The following NUDT2 variants were observed in gnomAD, a reference collection of about 807,000 sequenced individuals.
The protein encoded by NUDT2 is nudix hydrolase 2, also known as bis(5'-nucleosyl)-tetraphosphatase [asymmetrical].
A neutral mutation model predicts 14.2 loss-of-function variants in NUDT2; 12 were observed. The ratio of observed to expected loss-of-function variants is 0.84; its 90% CI spans 0.54 to 1.37. NUDT2 has a LOEUF of 1.37. NUDT2 is among the 40% of genes most tolerant of loss of function. The pLI, the probability that NUDT2 is intolerant of heterozygous loss-of-function variation, is 0.00. For synonymous variants in NUDT2, 67 were observed against 67.4 expected, an observed-to-expected ratio of 0.99 and a Z score of 0.03; for missense variants, 167 against 176.7, an observed-to-expected ratio of 0.95 and a Z score of 0.31.
chr9:34,335,564 G>C (rs1838070825), intron 1 of NUDT2, among the ~76,000 whole-genome samples: 1 of 152,226 alleles, frequency 6.6e-6, no homozygotes, highest in Non-Finnish European at 1.5e-5. Context: ...TGACGAGTAG[G>C]AGGTTGTGTG....
In NUDT2 at chr9:34,343,219, G is replaced by C; in HGVS notation, c.223G>C (p.Gly75Arg). 1 of 1,613,968 alleles carries C rather than the reference G, an allele frequency of 6.2e-7. No homozygotes were observed. The highest frequency in any genetic ancestry group is 8.5e-7 in the Non-Finnish European group (1 of 1,180,012). Reference sequence around the variant, plus strand: ...AGCAGGCCAGCTGACCATTATTGAGGGGTTCAAAAGGGAACTCAATTATGT... The same window carrying C: ...AGCAGGCCAGCTGACCATTATTGAGCGGTTCAAAAGGGAACTCAATTATGT... Reference protein sequence around the residue: ...IEAGQLTIIEGFKRELNYVAR... With the variant: ...IEAGQLTIIERFKRELNYVAR... Residue 75 changes from glycine to arginine, a missense_variant, in exon 5 of 5, where the codon GGG (glycine) becomes CGG (arginine). Physicochemically the swap from Gly to Arg is moderately radical, Grantham distance 125. Coordinates refer to ENST00000379158, the MANE Select transcript of NUDT2 (RefSeq NM_001161.5).
chr9:34,338,730 A>C lies in NUDT2; in HGVS notation c.-134A>C, dbSNP rs1802826. 5.1e-6 allele frequency: 1 copy of C among 197,396 alleles called. No individual in the cohort carries two copies. Among genetic ancestry groups the C allele is most frequent in the Admixed American group, 5.8e-5 (1 of 17,288 alleles). The allele number at this position is 197,396 out of a possible 1,614,324, so 12.2% of individuals were successfully genotyped here. A position where few individuals can be genotyped will look rare whatever the true frequency, so the allele number is the denominator to read the frequency against. On this transcript the variant is annotated 5_prime_UTR_variant, in exon 3 of 5. Coordinates refer to ENST00000379158, the MANE Select transcript of NUDT2 (RefSeq NM_001161.5). ...TGTTTCAGTGCGTTTGCTTCTGAGG[A>C]TCTCCAGTGTCACAACAAACACATG...
chr9:34,341,801 C>CA lies in NUDT2; in HGVS notation c.128-1323_128-1322insA, dbSNP rs760048348. On this transcript the variant is annotated intron_variant, in intron 4 of 4. Coordinates refer to ENST00000379158, the MANE Select transcript of NUDT2 (RefSeq NM_001161.5). ...TTGGGATTACAGGCATGAGCCACCG[C>CA]CCCTGGACCCTGGGGAGTTTTTTGT... Among the ~76,000 whole-genome samples the CA allele has an allele frequency of 6.6e-5, 10 of 152,318 alleles. No individual in the cohort carries two copies. The East Asian group carries it at 1.7e-3, about 26-fold the overall frequency.
In NUDT2 at chr9:34,339,014, C is replaced by G. The variant is rs1446440484; in HGVS notation, c.-16-10C>G. On this transcript the variant is annotated splice_polypyrimidine_tract_variant and intron_variant, in intron 3 of 4. Transcript: ENST00000379158. The stretch of plus-strand genomic sequence containing the variant: ...GTAACTTCCCAATATTCTGTATCTT[C>G]TTTGTTAAGTCCTTAGGATAAGACC... The G allele has an allele frequency of 1.3e-6, 2 of 1,597,980 alleles. No homozygotes were observed. The highest frequency in any genetic ancestry group is 8.6e-7 in the Non-Finnish European group (1 of 1,167,380).
chr9:34,339,429 G>A (rs181758603), intron 4 of NUDT2, among the ~76,000 whole-genome samples: 2 of 152,320 alleles, frequency 1.3e-5, no homozygotes, highest in East Asian at 3.9e-4. Context: ...CCTCTGTGGT[G>A]AATGGCTGGG....
chr9:34,343,398 G>T lies in NUDT2; in HGVS notation c.402G>T (p.Ala134=). The change falls in exon 5 of 5, where the codon GCG becomes GCT. Residue 134 remains alanine (A), a synonymous_variant. Coordinates refer to ENST00000379158, the MANE Select transcript of NUDT2 (RefSeq NM_001161.5). The stretch of plus-strand genomic sequence containing the variant: ...CTCAGTTCAAGGAGATGAAGGCAGC[G>T]CTCCAAGAAGGACACCAGTTTCTTT... The part of the protein sequence containing the change: ...QLAQFKEMKA[A]LQEGHQFLCS... The T allele has an allele frequency of 1.2e-6, 2 of 1,610,186 alleles. No homozygotes were observed. The highest frequency in any genetic ancestry group is 2.7e-5 in the African/African-American group (2 of 74,916).
chr9:34,337,763 A>G (rs1838125786), intron 2 of NUDT2, among the ~76,000 whole-genome samples: 1 of 152,180 alleles, frequency 6.6e-6, no homozygotes, highest in Non-Finnish European at 1.5e-5. Context: ...TCAGCTGTGC[A>G]ACCCCCGGGC....
At chr9:34,336,002 C>T (rs1838079444) in intron 1 of NUDT2, among the ~76,000 whole-genome samples, 1 of 151,928 alleles carries the variant, frequency 6.6e-6, no homozygotes, top group East Asian at 1.9e-4. Flanking sequence ...ACTGTGCCCT[C>T]TAGTCTTGGA....
intron 1 of NUDT2, among the ~76,000 whole-genome samples, chr9:34,332,375 A>C (rs1837965941): frequency 6.6e-6 from 1 of 152,164 alleles, no homozygotes; most frequent in African/African-American, 2.4e-5. Context: ...CTTACGTTGC[A>C]CAAAACACAC....
chr9:34,332,084 C>T (rs937526583), intron 1 of NUDT2, among the ~76,000 whole-genome samples: 3 of 152,218 alleles, frequency 2.0e-5, no homozygotes, highest in East Asian at 1.9e-4. Context: ...TGTCCTAATT[C>T]GTTCCCCAGC....
rs540887843 is a variant in NUDT2, at chr9:34,331,270, T to A, written c.-265+1671T>A. 6.0e-4 allele frequency among the ~76,000 whole-genome samples: 91 copies of A among 152,354 alleles called. 1 individual carries two copies. In the South Asian group the frequency reaches 0.019, roughly 31 times the overall value. ...TCTTTAAAACAGAGAAGCTTTTTGA[T>A]GATCTTTTATGACACACGGGTAACA... On this transcript the variant is annotated intron_variant, in intron 1 of 4. Transcript: ENST00000379158.
chr9:34,339,313 C>A (rs1272377596), intron 4 of NUDT2, 147 bp downstream of exon 4: 2 of 903,860 alleles, frequency 2.2e-6, no homozygotes, highest in African/African-American at 1.7e-5. Flanking sequence ...TTTCTACATA[C>A]AAGGTCTCCA....
At chr9:34,340,564 A>C (rs1393022365) in intron 4 of NUDT2, among the ~76,000 whole-genome samples, 1 of 152,262 alleles carries the variant, frequency 6.6e-6, no homozygotes, top group Non-Finnish European at 1.5e-5. Flanking sequence ...TACTGGCCTG[A>C]GGCCTTAGGC....
intron 1 of NUDT2, among the ~76,000 whole-genome samples, chr9:34,332,265 C>T (rs1837962415): frequency 6.6e-6 from 1 of 152,188 alleles, no homozygotes; most frequent in East Asian, 1.9e-4. Context: ...GCTGGCAGTG[C>T]CTTGCATCCG....
At chr9:34,338,327 T>TA (rs61594121) in intron 2 of NUDT2, among the ~76,000 whole-genome samples, 3,749 of 33,566 alleles carry the variant, frequency 0.11, 499 homozygotes, top group East Asian at 0.47. Context: ...ACCCTGTCTC[T>TA]AAAAAAAAAA....
At chr9:34,332,371 T>C (rs1397172498) in intron 1 of NUDT2, among the ~76,000 whole-genome samples, 1 of 152,194 alleles carries the variant, frequency 6.6e-6, no homozygotes, top group Non-Finnish European at 1.5e-5. Context: ...CCATCTTACG[T>C]TGCACAAAAC....
rs1820254510 is a variant in NUDT2, at chr9:34,343,661, T to C, written c.*221T>C. 2 of 476,654 alleles carry C rather than the reference T, an allele frequency of 4.2e-6. No individual in the cohort carries two copies. The highest frequency in any genetic ancestry group is 7.4e-6 in the Non-Finnish European group (2 of 270,980). 29.5% of individuals were successfully genotyped at this position (476,654 alleles called of 1,614,324 possible). A position where few individuals can be genotyped will look rare whatever the true frequency, so the allele number is the denominator to read the frequency against. ...AATTAAAAAGGCCAGGCCCAGTAAG[T>C]GTACCTTGTACTTTATAAATAAACC... On this transcript the variant is annotated 3_prime_UTR_variant, in exon 5 of 5. Coordinates refer to ENST00000379158, the MANE Select transcript of NUDT2 (RefSeq NM_001161.5).
chr9:34,342,773 T>C (rs1031311837), intron 4 of NUDT2, among the ~76,000 whole-genome samples: 9 of 151,932 alleles, frequency 5.9e-5, no homozygotes, highest in Admixed American at 5.2e-4. Context: ...TCCCAACACT[T>C]TGGGAGGCTG....
chr9:34,339,888 A>G (rs1194097012), intron 4 of NUDT2, among the ~76,000 whole-genome samples: 1 of 151,864 alleles, frequency 6.6e-6, no homozygotes, highest in Non-Finnish European at 1.5e-5. Flanking sequence ...ATTTCATTTG[A>G]TCAATTTCCT....
Sources: allele counts gnomAD v4.1 joint callset (sites outside exome capture counted in the v4.1 genomes callset), GRCh38; gene constraint gnomAD v4.1.1; transcripts MANE v1.5; gene names NCBI Gene and HGNC (gene_info 2026-07-23, HGNC 2026-07-21).